Variants in NCKAP5 observed in about 807,000 individuals in gnomAD.
The protein encoded by NCKAP5 is NCK associated protein 5.
In NCKAP5, 92 loss-of-function variants were observed where a neutral mutation model predicts 167.0. The ratio of observed to expected loss-of-function variants is 0.55; its 90% confidence interval spans 0.47 to 0.66. NCKAP5 has a LOEUF of 0.66. Ranked by LOEUF, NCKAP5 falls within the 30% of genes least tolerant of loss-of-function variation. The probability of loss-of-function intolerance (pLI) is 0.00; values close to 1 mark genes in which losing one functional copy is unlikely to be tolerated. For missense variants in NCKAP5, 2,378 were observed against 2,315.0 expected, an observed-to-expected ratio of 1.03 and a Z score of -0.56; for synonymous variants, 891 against 877.4, an observed-to-expected ratio of 1.02 and a Z score of -0.27.
the NCKAP5 span, among the ~76,000 whole-genome samples, chr2:133,641,922 G>C: frequency 2.0e-5 from 3 of 152,152 alleles, no homozygotes; most frequent in African/African-American, 7.2e-5. Context: ...TGGTGTCTTA[G>C]TTTATTTCAT....
the NCKAP5 span, among the ~76,000 whole-genome samples, chr2:133,576,039 C>A: frequency 6.6e-6 from 1 of 152,128 alleles, no homozygotes; most frequent in African/African-American, 2.4e-5. Flanking sequence ...CAGGTTTATT[C>A]CAACTGGAAA....
chr2:132,918,118 C>A (rs550106137), intron 8 of NCKAP5, among the ~76,000 whole-genome samples: 4 of 152,056 alleles, frequency 2.6e-5, no homozygotes, highest in Non-Finnish European at 4.4e-5. Context: ...ATGTAAAAAC[C>A]CATGGGTTGG....
chr2:133,070,697 C>G (rs2080359946), intron 6 of NCKAP5, among the ~76,000 whole-genome samples: 1 of 152,040 alleles, frequency 6.6e-6, no homozygotes, highest in African/African-American at 2.4e-5. Context: ...CTCCCACCCC[C>G]ACAAATTCAC....
At chr2:132,797,485 T>C (rs1195203598) in intron 11 of NCKAP5, among the ~76,000 whole-genome samples, 2 of 152,232 alleles carry the variant, frequency 1.3e-5, no homozygotes, top group Non-Finnish European at 2.9e-5. Flanking sequence ...TTATGCTTAA[T>C]GTTTCTGCTA....
upstream of NCKAP5, among the ~76,000 whole-genome samples, chr2:133,571,252 T>A (rs1688856759): frequency 6.6e-6 from 1 of 152,196 alleles, no homozygotes; most frequent in South Asian, 2.1e-4. Context: ...AGATTCTGTT[T>A]AATGCACTTT....
At chr2:133,532,506 C>T (rs907609466) in intron 2 of NCKAP5, among the ~76,000 whole-genome samples, 4 of 152,072 alleles carry the variant, frequency 2.6e-5, no homozygotes, top group Admixed American at 6.6e-5. Flanking sequence ...AATAAATGCT[C>T]GGTTATTTGG....
chr2:133,001,946 G>A (rs960800933), intron 6 of NCKAP5, among the ~76,000 whole-genome samples: 4 of 152,122 alleles, frequency 2.6e-5, no homozygotes, highest in African/African-American at 4.8e-5. Flanking sequence ...AAGTGTAGGC[G>A]TCGTATTAGG....
At chr2:132,909,073 G>A (rs1003499103) in intron 8 of NCKAP5, among the ~76,000 whole-genome samples, 74 of 152,196 alleles carry the variant, frequency 4.9e-4, no homozygotes, top group African/African-American at 1.6e-3. Flanking sequence ...CTGGCCAGGT[G>A]CGGTGGCTCA....
intron 7 of NCKAP5, among the ~76,000 whole-genome samples, chr2:132,983,900 C>G (rs954271088): frequency 3.9e-5 from 6 of 152,142 alleles, no homozygotes; most frequent in Non-Finnish European, 7.4e-5. Flanking sequence ...GAAGAAACAC[C>G]CTTTGAACTT....
chr2:132,782,105 A>T lies in NCKAP5; in HGVS notation c.4706T>A (p.Ile1569Asn). ...ATTATCTGCTGACTTGGTGTCCTTG[A>T]TAAGCTCATTTTCTGTCTCACACTG... is the stretch of plus-strand genomic sequence containing the variant. Reference protein sequence around the residue: ...ELQCETENELIKDTKSADNPD... With the variant: ...ELQCETENELNKDTKSADNPD... Residue 1569 changes from isoleucine (I) to asparagine (N), a missense_variant, in exon 14 of 20, where the codon ATC (isoleucine) becomes AAC (asparagine). Physicochemically the swap from Ile to Asn is moderately radical, Grantham distance 149. Around this residue, in one of 3 missense-constraint regions of NCKAP5, gnomAD observed 1,325 missense variants for 1,274.5 expected, o/e 1.04. Transcript: ENST00000409261. 1.9e-6 allele frequency: 3 copies of T among 1,613,986 alleles called. No individual in the cohort carries two copies. The highest frequency in any genetic ancestry group is 2.5e-6 in the Non-Finnish European group (3 of 1,179,890).
intron 16 of NCKAP5, among the ~76,000 whole-genome samples, chr2:132,733,234 A>C (rs997033978): frequency 1.3e-5 from 2 of 152,214 alleles, no homozygotes; most frequent in African/African-American, 4.8e-5. Flanking sequence ...TGTTCATATG[A>C]TAATCCTGGA....
intron 2 of NCKAP5, among the ~76,000 whole-genome samples, chr2:133,547,997 G>C (rs2104930912): frequency 6.8e-6 from 1 of 147,326 alleles, no homozygotes. Flanking sequence ...TTAGAAGAAT[G>C]TATGACTAGA....
At chr2:132,868,361 G>T (rs1447697607) in intron 10 of NCKAP5, among the ~76,000 whole-genome samples, 1 of 152,136 alleles carries the variant, frequency 6.6e-6, no homozygotes, top group African/African-American at 2.4e-5. Flanking sequence ...CAGGCAGAAT[G>T]GCAAGGCAGC....
intron 5 of NCKAP5, among the ~76,000 whole-genome samples, chr2:133,161,892 A>G (rs2083810248): frequency 6.6e-6 from 1 of 152,174 alleles, no homozygotes; most frequent in Non-Finnish European, 1.5e-5. Flanking sequence ...ATCTTCTTCC[A>G]TATAGGATCT....
the NCKAP5 span, among the ~76,000 whole-genome samples, chr2:133,578,518 C>T: frequency 6.6e-6 from 1 of 152,180 alleles, no homozygotes; most frequent in East Asian, 1.9e-4. Flanking sequence ...CCCAAGTGGC[C>T]TACAACCAGT....
intron 6 of NCKAP5, among the ~76,000 whole-genome samples, chr2:133,015,768 T>C (rs2078312290): frequency 1.3e-5 from 2 of 152,138 alleles, no homozygotes; most frequent in African/African-American, 4.8e-5. Flanking sequence ...GATGAACAAG[T>C]GTGTCGACAC....
At chr2:133,526,210 AGG>A (rs1321957638) in intron 2 of NCKAP5, among the ~76,000 whole-genome samples, 9 of 135,672 alleles carry the variant, frequency 6.6e-5, no homozygotes, top group Admixed American at 4.7e-4. Flanking sequence ...GAAGGAAGGA[AGG>A]AAGGAAGGAA....
intron 3 of NCKAP5, among the ~76,000 whole-genome samples, chr2:133,406,939 C>A (rs1446037904): frequency 6.8e-6 from 1 of 146,728 alleles, no homozygotes; most frequent in Admixed American, 6.8e-5. Flanking sequence ...ACAGCCTTCA[C>A]TGGTTAGCAC....
intron 16 of NCKAP5, among the ~76,000 whole-genome samples, chr2:132,754,923 T>C (rs1282441201): frequency 6.6e-6 from 1 of 152,222 alleles, no homozygotes; most frequent in African/African-American, 2.4e-5. Context: ...CAGAATCAGA[T>C]TGGATAAGCT....
Sources: allele counts gnomAD v4.1 joint callset (sites outside exome capture counted in the v4.1 genomes callset), GRCh38; gene constraint gnomAD v4.1.1; regional missense constraint gnomAD v4.1.1; transcripts MANE v1.5; gene names NCBI Gene and HGNC (gene_info 2026-07-23, HGNC 2026-07-21).